Variants in LACTB observed in about 807,000 individuals in gnomAD.
The protein encoded by LACTB is serine beta-lactamase-like protein LACTB, mitochondrial.
In LACTB, 35 loss-of-function variants were observed where a neutral mutation model predicts 50.2. The ratio of observed to expected loss-of-function variants is 0.70; its 90% CI spans 0.53 to 0.92. LACTB has a LOEUF of 0.92. Ranked by LOEUF, LACTB falls within the 40% of genes least tolerant of loss-of-function variation. The pLI is 0.00. For missense variants in LACTB, 664 were observed against 691.8 expected, an observed-to-expected ratio of 0.96 and a Z score of 0.45; for synonymous variants, 252 against 268.2, an observed-to-expected ratio of 0.94 and a Z score of 0.59.
At chr15:63,132,797 G>A (rs1382110167) in intron 5 of LACTB, among the ~76,000 whole-genome samples, 1 of 152,050 alleles carries the variant, frequency 6.6e-6, no homozygotes, top group African/African-American at 2.4e-5. Context: ...CTCCAGCCTG[G>A]GCAAGAGAGC....
intron 4 of LACTB, among the ~76,000 whole-genome samples, chr15:63,128,142 T>C (rs1308029717): frequency 6.6e-6 from 1 of 151,130 alleles, no homozygotes; most frequent in African/African-American, 2.5e-5. Flanking sequence ...TTTGTTTTAT[T>C]TTTTGATTTG....
intron 4 of LACTB, among the ~76,000 whole-genome samples, chr15:63,128,911 T>A (rs2652823): frequency 0.42 from 63,941 of 151,690 alleles, 14,147 homozygotes; most frequent in Non-Finnish European, 0.51. Flanking sequence ...ACCTGGCTAA[T>A]TTTTGTATTT....
intron 5 of LACTB, among the ~76,000 whole-genome samples, chr15:63,137,739 C>T (rs180815936): frequency 9.2e-5 from 14 of 152,206 alleles, no homozygotes; most frequent in African/African-American, 3.1e-4. Flanking sequence ...CTTTTGTACC[C>T]GTTAACCATC....
Position 63,141,354 on chromosome 15 carries a change from G to T in LACTB, c.1193G>T (p.Gly398Val), listed in dbSNP as rs2037226494. 2 of 1,614,178 alleles carry T rather than the reference G, an allele frequency of 1.2e-6. No individual in the cohort carries two copies. The highest frequency in any genetic ancestry group is 1.7e-6 in the Non-Finnish European group (2 of 1,180,018). Residue 398 changes from glycine (G) to valine (V), a missense_variant, in exon 6 of 6, where the codon GGT (glycine) becomes GTT (valine). Coordinates refer to ENST00000261893, the MANE Select transcript of LACTB (RefSeq NM_032857.5). ...GATAACTCCTATAAATGGGCTGGTG[G>T]TGGATTTCTGTCTACAGTGGGTGAC... ...YVDNSYKWAG[G>V]GFLSTVGDLL...
At chr15:63,122,740 T>C (rs1435595878) in intron 2 of LACTB, 38 bp downstream of exon 2, 3 of 1,425,794 alleles carry the variant, frequency 2.1e-6, no homozygotes, top group Non-Finnish European at 2.0e-6. Context: ...CTGTGCCAGT[T>C]GGTAAATAAA....
At chr15:63,140,948 A>T (rs2037222136) in intron 5 of LACTB, 1 of 929,654 alleles carries the variant, frequency 1.1e-6, no homozygotes, top group Non-Finnish European at 1.3e-6. Context: ...AACTTTCTCC[A>T]TATGCACAGG....
chr15:63,124,346 A>G (rs1443209917), intron 2 of LACTB, among the ~76,000 whole-genome samples: 2 of 152,210 alleles, frequency 1.3e-5, no homozygotes, highest in Non-Finnish European at 2.9e-5. Context: ...TATATCTGGT[A>G]TAACTATTCT....
In LACTB at chr15:63,141,269, T is replaced by C. The variant is rs747606143; in HGVS notation, c.1119-11T>C. On this transcript the variant is annotated splice_polypyrimidine_tract_variant and intron_variant, in intron 5 of 5. Transcript: ENST00000261893. ...TGAAATTTTTCATGATCATTTCTTA[T>C]TTCCTTTTAGATTTTATGTTTACAA... is the stretch of plus-strand genomic sequence containing the variant. The C allele has an allele frequency of 7.0e-6, 11 of 1,574,448 alleles. No homozygotes were observed. The highest frequency in any genetic ancestry group is 8.6e-6 in the Non-Finnish European group (10 of 1,161,060).
chr15:63,129,926 CT>C (rs1226142370), intron 5 of LACTB: 9 of 246,726 alleles, frequency 3.6e-5, no homozygotes, highest in African/African-American at 1.6e-4. Flanking sequence ...GTAATTTGCT[CT>C]TTAACCATTC....
chr15:63,126,685 G>A (rs77125097), intron 2 of LACTB, among the ~76,000 whole-genome samples, 174 bp from the exon 3 acceptor site: 8,895 of 152,186 alleles, frequency 0.058, 381 homozygotes, highest in Middle Eastern at 0.095. Context: ...TAGGCTTACC[G>A]ATATACTAAG....
intron 2 of LACTB, among the ~76,000 whole-genome samples, chr15:63,126,288 C>T (rs2037053236): frequency 6.6e-6 from 1 of 152,140 alleles, no homozygotes; most frequent in Non-Finnish European, 1.5e-5. Context: ...ATTACAGGCA[C>T]ACGCCACCAT....
Position 63,129,478 on chromosome 15 carries a change from T to C in LACTB, c.953-7T>C. Reference sequence around the variant, plus strand: ...TATTTTTTTCCTCCTCGCAATGATGTCTCAAGGTAGTCAGTTTTTGTATTC... The same window carrying C: ...TATTTTTTTCCTCCTCGCAATGATGCCTCAAGGTAGTCAGTTTTTGTATTC... On this transcript the variant is annotated splice_polypyrimidine_tract_variant and splice_region_variant and intron_variant, in intron 4 of 5. Transcript: ENST00000261893. 6.4e-7 allele frequency: 1 copy of C among 1,569,708 alleles called. No homozygotes were observed. The highest frequency in any genetic ancestry group is 1.4e-5 in the African/African-American group (1 of 73,070).
intron 2 of LACTB, among the ~76,000 whole-genome samples, chr15:63,123,216 C>T (rs528813066): frequency 6.6e-6 from 1 of 152,232 alleles, no homozygotes; most frequent in Admixed American, 6.5e-5. Flanking sequence ...TTAATACTTT[C>T]GGACCATGGA....
chr15:63,123,753 C>CA, intron 2 of LACTB, among the ~76,000 whole-genome samples: 1 of 151,918 alleles, frequency 6.6e-6, no homozygotes, highest in Non-Finnish European at 1.5e-5. Context: ...GAGGGAAAGA[C>CA]AGCTTATGCC....
rs1347758143 is a variant in LACTB, at chr15:63,141,333, A to T, written c.1172A>T (p.Asn391Ile). The T allele has an allele frequency of 6.2e-7, 1 of 1,614,130 alleles. No individual in the cohort carries two copies. Among genetic ancestry groups the T allele is most frequent in the African/African-American group, 1.3e-5 (1 of 75,044 alleles). ...KRLVNTPYVD[N>I]SYKWAGGGFL... Reference sequence around the variant, plus strand: ...CTTGTCAACACACCTTACGTGGATAACTCCTATAAATGGGCTGGTGGTGGA... The same window carrying T: ...CTTGTCAACACACCTTACGTGGATATCTCCTATAAATGGGCTGGTGGTGGA... Residue 391 changes from asparagine to isoleucine, a missense_variant, in exon 6 of 6, where the codon AAC becomes ATC. Physicochemically the swap from Asn to Ile is moderately radical, Grantham distance 149. Coordinates refer to ENST00000261893, the MANE Select transcript of LACTB (RefSeq NM_032857.5).
rs1436200595 is a variant in LACTB at position 63,121,994 on chromosome 15, CG to C, written c.128del (p.Gly43AlafsTer12). The stretch of plus-strand genomic sequence containing the variant: ...TGCCGCCTCTCGGCCACGGCTGGGT[CG>C]GGGGCCTCGGGCTGGGGCTGGGGCT... ...GLPPLGHGWV[G>X]GLGLGLGLAL... On this transcript the variant is annotated frameshift_variant, in exon 1 of 6. Transcript: ENST00000261893. LOFTEE classifies it high-confidence loss of function. 4 of 1,367,370 alleles carry C rather than the reference CG, an allele frequency of 2.9e-6. No individual in the cohort carries two copies. Among genetic ancestry groups the C allele is most frequent in the Admixed American group, 3.8e-5 (1 of 26,348 alleles). The allele number at this position is 1,367,370 out of a possible 1,614,324, so 84.7% of individuals were successfully genotyped here.
At position 63,122,544 on chromosome 15, in the gene LACTB, C is replaced by A; in HGVS notation, c.358-92C>A. 4.2e-5 allele frequency: 43 copies of A among 1,026,842 alleles called. No homozygotes were observed. In the Middle Eastern group the frequency reaches 7.7e-4, roughly 18 times the overall value. 63.6% of individuals were successfully genotyped at this position (1,026,842 alleles called of 1,614,324 possible). ...CCAGGTGGAGGGGGCGGGGCCCAGG[C>A]TCAGGGGGCGGGGCCTTGGAAGGTC... On this transcript the variant is annotated intron_variant, in intron 1 of 5. Coordinates refer to ENST00000261893, the MANE Select transcript of LACTB (RefSeq NM_032857.5).
At chr15:63,133,998 A>C (rs1383841146) in intron 5 of LACTB, among the ~76,000 whole-genome samples, 1 of 152,216 alleles carries the variant, frequency 6.6e-6, no homozygotes, top group Non-Finnish European at 1.5e-5. Flanking sequence ...AGTTGTGTCA[A>C]ATGTTAGGAG....
At chr15:63,122,249 G>T (rs762468211) in intron 1 of LACTB, 21 bp downstream of exon 1, 8 of 1,520,908 alleles carry the variant, frequency 5.3e-6, no homozygotes, top group Admixed American at 2.1e-5. Context: ...TGGAGCGGGG[G>T]GCGTAGGGGG....
Sources: allele counts gnomAD v4.1 joint callset (sites outside exome capture counted in the v4.1 genomes callset), GRCh38; gene constraint gnomAD v4.1.1; transcripts MANE v1.5; gene names NCBI Gene and HGNC (gene_info 2026-07-23, HGNC 2026-07-21).